The following GPC6 variants were observed in gnomAD, a reference collection of about 807,000 sequenced individuals.
The protein encoded by GPC6 is glypican-6.
Under a neutral mutation model 55.2 loss-of-function variants are expected in GPC6, and 14 were observed. The ratio of observed to expected loss-of-function variants is 0.25; its 90% CI spans 0.17 to 0.40. The LOEUF (loss-of-function observed/expected upper bound fraction) is 0.40, where lower values mean the gene tolerates loss of function less well. GPC6 is among the 10% of genes least tolerant of loss of function. The pLI, the probability that GPC6 is intolerant of heterozygous loss-of-function variation, is 1.00. For synonymous variants in GPC6, 278 were observed against 259.6 expected, an observed-to-expected ratio of 1.07 and a Z score of -0.68; for missense variants, 641 against 708.5, an observed-to-expected ratio of 0.90 and a Z score of 1.08.
chr13:93,766,882 G>A (rs979717708), intron 2 of GPC6, among the ~76,000 whole-genome samples: 2 of 151,894 alleles, frequency 1.3e-5, no homozygotes, highest in Non-Finnish European at 2.9e-5. Flanking sequence ...GTTACTGGTG[G>A]CCAAAGAAAT....
chr13:93,677,827 G>A (rs1362018238), intron 2 of GPC6, among the ~76,000 whole-genome samples: 2 of 152,132 alleles, frequency 1.3e-5, no homozygotes, highest in African/African-American at 4.8e-5. Context: ...ATATCAACTT[G>A]TTGAGCAGGC....
rs1044045375 is a variant in GPC6, at chr13:94,405,110, A to G, written c.*1893A>G. ...CATTTAAGTAGAACACATGTGGCAC[A>G]ATAGTATTAAGTATATTTGAGCACT... On this transcript the variant is annotated 3_prime_UTR_variant, in exon 9 of 9. Coordinates refer to ENST00000377047, the MANE Select transcript of GPC6 (RefSeq NM_005708.5). 6.6e-6 allele frequency: 1 copy of G among 152,256 alleles called. No homozygotes were observed. The allele number at this position is 152,256 out of a possible 1,614,324, so 9.4% of individuals were successfully genotyped here.
chr13:93,506,235 C>G (rs1428477764), intron 1 of GPC6, among the ~76,000 whole-genome samples: 1 of 152,152 alleles, frequency 6.6e-6, no homozygotes, highest in East Asian at 1.9e-4. Flanking sequence ...AGAATGTATT[C>G]TAAGGTGGAT....
chr13:94,334,366 G>A (rs1877574942), intron 6 of GPC6, among the ~76,000 whole-genome samples: 1 of 152,170 alleles, frequency 6.6e-6, no homozygotes, highest in Non-Finnish European at 1.5e-5. Flanking sequence ...AACCACCTGG[G>A]GAACAGCAGA....
chr13:94,361,199 T>A (rs1016727321), intron 6 of GPC6, among the ~76,000 whole-genome samples: 12 of 152,210 alleles, frequency 7.9e-5, no homozygotes, highest in Non-Finnish European at 1.5e-5. Context: ...TCATAATTTT[T>A]ATCAACACCT....
intron 1 of GPC6, among the ~76,000 whole-genome samples, chr13:93,341,872 GT>G (rs982658289): frequency 1.3e-5 from 2 of 149,558 alleles, no homozygotes; most frequent in African/African-American, 4.9e-5. Flanking sequence ...ATGGTATCAG[GT>G]TTTAATTTAA....
intron 1 of GPC6, among the ~76,000 whole-genome samples, chr13:93,400,146 A>G (rs1167845989): frequency 1.3e-5 from 2 of 152,132 alleles, no homozygotes; most frequent in Non-Finnish European, 2.9e-5. Context: ...GGGCTACTGC[A>G]ATCTCTTAGA....
intron 1 of GPC6, among the ~76,000 whole-genome samples, chr13:93,323,895 A>T (rs563721279): frequency 1.3e-5 from 2 of 152,256 alleles, no homozygotes; most frequent in South Asian, 4.1e-4. Flanking sequence ...TTCCGCAAAA[A>T]ACTAAAAATA....
At chr13:93,923,256 T>G (rs1330463) in intron 3 of GPC6, among the ~76,000 whole-genome samples, 69,117 of 151,912 alleles carry the variant, frequency 0.45, 16,234 homozygotes, top group Non-Finnish European at 0.49. Context: ...AATACTCTCC[T>G]AAGGGGTAGA....
At chr13:93,553,822 A>G (rs543792612) in intron 2 of GPC6, among the ~76,000 whole-genome samples, 62 of 151,512 alleles carry the variant, frequency 4.1e-4, no homozygotes, top group Admixed American at 8.6e-4. Flanking sequence ...CTGAATTTCC[A>G]TAATAAAGAG....
At chr13:94,184,474 A>C (rs140641447) in intron 4 of GPC6, among the ~76,000 whole-genome samples, 3 of 152,264 alleles carry the variant, frequency 2.0e-5, no homozygotes, top group African/African-American at 7.2e-5. Flanking sequence ...AAAAAAATGG[A>C]CAAAGGACAT....
In GPC6 at chr13:94,305,839, G is replaced by C. The variant is rs1003278087; in HGVS notation, c.1009-141G>C. Reference sequence around the variant, plus strand: ...TTCTGTTATATTAGTGGTTATACTTGTTTACATTTCAAAATTAGAGTTTAT... The same window carrying C: ...TTCTGTTATATTAGTGGTTATACTTCTTTACATTTCAAAATTAGAGTTTAT... On this transcript the variant is annotated intron_variant, in intron 5 of 8. Transcript: ENST00000377047. 14 of 805,948 alleles carry C rather than the reference G, an allele frequency of 1.7e-5. No homozygotes were observed. The Admixed American group carries it at 1.9e-4, about 11-fold the overall frequency. 49.9% of individuals were successfully genotyped at this position (805,948 alleles called of 1,614,324 possible).
chr13:94,098,702 A>ATTCAACTT (rs1413447063), intron 4 of GPC6, among the ~76,000 whole-genome samples: 1 of 152,078 alleles, frequency 6.6e-6, no homozygotes, highest in East Asian at 1.9e-4. Flanking sequence ...AAAATGGGAG[A>ATTCAACTT]TTCAACTTTC....
At chr13:94,141,570 A>G (rs1018960191) in intron 4 of GPC6, among the ~76,000 whole-genome samples, 1 of 152,108 alleles carries the variant, frequency 6.6e-6, no homozygotes, top group Non-Finnish European at 1.5e-5. Context: ...ACCACCAAGG[A>G]CTTCGTTTTT....
chr13:93,243,364 TTTG>T (rs541085602), intron 1 of GPC6, among the ~76,000 whole-genome samples: 17 of 152,338 alleles, frequency 1.1e-4, no homozygotes, highest in Admixed American at 3.9e-4. Context: ...ATTCGTTTTT[TTTG>T]TTGTTGTTGT....
chr13:94,330,937 A>G (rs763996141), intron 6 of GPC6, among the ~76,000 whole-genome samples: 2 of 152,050 alleles, frequency 1.3e-5, no homozygotes, highest in Admixed American at 1.3e-4. Flanking sequence ...ACCATATAAG[A>G]CTGTTCTACG....
At chr13:93,386,415 G>A (rs1875408862) in intron 1 of GPC6, among the ~76,000 whole-genome samples, 1 of 152,108 alleles carries the variant, frequency 6.6e-6, no homozygotes. Flanking sequence ...AAAATTTATG[G>A]AAGAAGCATG....
At chr13:94,205,540 T>C (rs1042690980) in intron 4 of GPC6, among the ~76,000 whole-genome samples, 2 of 152,198 alleles carry the variant, frequency 1.3e-5, no homozygotes, top group Non-Finnish European at 2.9e-5. Flanking sequence ...AAGCCTCTTT[T>C]ATTTCTCTCC....
intron 3 of GPC6, among the ~76,000 whole-genome samples, chr13:94,014,216 T>C (rs996500151): frequency 1.3e-4 from 20 of 152,206 alleles, no homozygotes; most frequent in African/African-American, 4.6e-4. Context: ...TGTGTATGCA[T>C]GGAAATTCAT....
Sources: gnomAD v4.1 joint callset for allele counts (sites outside exome capture counted in the v4.1 genomes callset) on GRCh38, gnomAD v4.1.1 for gene constraint, MANE v1.5 for transcripts, NCBI Gene and HGNC (gene_info 2026-07-23, HGNC 2026-07-21) for gene names.